Variants in FBRSL1 observed in about 807,000 individuals in gnomAD.
FBRSL1 encodes the protein fibrosin like 1.
In FBRSL1, 51 loss-of-function variants were observed where a neutral mutation model predicts 89.6. The ratio of observed to expected loss-of-function variants is 0.57; its 90% confidence interval spans 0.45 to 0.72. FBRSL1 has a LOEUF of 0.72. Ranked by LOEUF, FBRSL1 falls within the 30% of genes least tolerant of loss-of-function variation. FBRSL1 has a pLI of 0.00. For missense variants in FBRSL1, 1,618 were observed against 1,451.8 expected (o/e 1.11, Z -1.86); for synonymous variants, 779 against 681.1 (o/e 1.14, Z -2.24).
rs575048497 is a variant in FBRSL1 at position 132,578,903 on chromosome 12, G to C, written c.1834+1972G>C. Reference sequence around the variant, plus strand: ...GGCCTCTGGGCCATGGAGCATCCCAGTAGTCTGGCTTTCTCAGAAAGCAGA... The same window carrying C: ...GGCCTCTGGGCCATGGAGCATCCCACTAGTCTGGCTTTCTCAGAAAGCAGA... On this transcript the variant is annotated intron_variant, in intron 15 of 18. Transcript: ENST00000680143. Among the ~76,000 whole-genome samples, 240 of 152,392 alleles carry C rather than the reference G, an allele frequency of 1.6e-3. 3 individuals carry two copies. The South Asian group carries it at 0.017, about 11-fold the overall frequency.
chr12:132,513,927 G>A (rs181649476), intron 2 of FBRSL1, among the ~76,000 whole-genome samples: 4 of 152,228 alleles, frequency 2.6e-5, no homozygotes, highest in East Asian at 1.9e-4. Context: ...CAGCATCCAC[G>A]CCTGGTGTGT....
intron 2 of FBRSL1, chr12:132,509,761 C>G: frequency 8.1e-7 from 1 of 1,231,364 alleles, no homozygotes; most frequent in Non-Finnish European, 1.0e-6. Flanking sequence ...TGTGGCCAGC[C>G]CGGTAGGGCA....
Position 132,511,108 on chromosome 12 carries a change from C to T in FBRSL1, c.489+2758C>T, listed in dbSNP as rs1001681920. The stretch of plus-strand genomic sequence containing the variant: ...CTGGTAGTCAGGAGGTGCTGGTGTC[C>T]ACCTCCAGGGCCCCCAAGCTACAGG... On this transcript the variant is annotated intron_variant, in intron 2 of 18. Coordinates refer to ENST00000680143, the MANE Select transcript of FBRSL1 (RefSeq NM_001367871.1). The T allele has an allele frequency of 3.0e-6, 3 of 985,394 alleles. No individual in the cohort carries two copies. In the African/African-American group the frequency reaches 5.2e-5, roughly 17 times the overall value. The allele number at this position is 985,394 out of a possible 1,614,324, so 61.0% of individuals were successfully genotyped here.
intron 2 of FBRSL1, among the ~76,000 whole-genome samples, chr12:132,521,773 C>T (rs1201531995): frequency 6.6e-6 from 1 of 152,214 alleles, no homozygotes; most frequent in African/African-American, 2.4e-5. Context: ...GTATGTAGTG[C>T]GTGCATTTGC....
chr12:132,581,355 G>C, intron 15 of FBRSL1, 84 bp from the exon 16 acceptor site: 1 of 1,548,138 alleles, frequency 6.5e-7, no homozygotes, highest in Non-Finnish European at 8.7e-7. Flanking sequence ...AGAGGAAATT[G>C]GGGTGCTCCC....
At chr12:132,504,489 TGGCGCCACTGCAGG>T (rs1202969481) in intron 1 of FBRSL1, among the ~76,000 whole-genome samples, 2 of 152,070 alleles carry the variant, frequency 1.3e-5, no homozygotes, top group Admixed American at 6.5e-5. Context: ...CTGGGGGTGC[TGGCGCCACTGCAGG>T]GCAGTGGCGT....
At chr12:132,527,713 AGGGTTGT>A (rs1400156267) in intron 3 of FBRSL1, among the ~76,000 whole-genome samples, 23 of 75,098 alleles carry the variant, frequency 3.1e-4, no homozygotes, top group South Asian at 1.3e-3. Flanking sequence ...GCTGTGGGGC[AGGGTTGT>A]GGGCTGCGGG....
intron 5 of FBRSL1, among the ~76,000 whole-genome samples, chr12:132,558,037 G>T (rs1373021941): frequency 1.3e-5 from 1 of 79,578 alleles, no homozygotes; most frequent in Admixed American, 1.4e-4. Flanking sequence ...CCCTCCCCCC[G>T]CCCGTTCCCT....
intron 15 of FBRSL1, among the ~76,000 whole-genome samples, chr12:132,578,631 G>A (rs1472026245): frequency 5.9e-5 from 9 of 152,172 alleles, no homozygotes; most frequent in African/African-American, 1.9e-4. Context: ...CATGGGCACT[G>A]CGTTGCCCAG....
At chr12:132,560,206 G>A (rs1463248598) in intron 5 of FBRSL1, 1 of 152,014 alleles carries the variant, frequency 6.6e-6, no homozygotes, top group Admixed American at 6.6e-5. Context: ...CGGGACTAGG[G>A]GCGACTGCCT....
chr12:132,527,942 C>G lies in FBRSL1; in HGVS notation c.580-11C>G. On this transcript the variant is annotated splice_polypyrimidine_tract_variant and intron_variant, in intron 3 of 18. Coordinates refer to ENST00000680143, the MANE Select transcript of FBRSL1 (RefSeq NM_001367871.1). ...GCAGCCTCACTGACTGTCCCCTCTT[C>G]CTTCCTGCAGAGCTCTGCGCATGCG... The G allele has an allele frequency of 6.4e-7, 1 of 1,551,260 alleles. No individual in the cohort carries two copies.
intron 15 of FBRSL1, 30 bp downstream of exon 15, chr12:132,576,961 C>T (rs2040420582): frequency 6.5e-7 from 1 of 1,538,586 alleles, no homozygotes; most frequent in African/African-American, 1.4e-5. Flanking sequence ...AGGTGGGGGG[C>T]ACAGAAACCT....
intron 2 of FBRSL1, among the ~76,000 whole-genome samples, chr12:132,520,709 G>T (rs893110189): frequency 6.6e-6 from 1 of 152,202 alleles, no homozygotes. Flanking sequence ...GGACAGAGGG[G>T]CCCCAGAGTC....
rs556995283 is a variant in FBRSL1 at position 132,573,460 on chromosome 12, G to A, written c.1531-630G>A. ...TGGTTGAGGAATTCAGAGGAATGGA[G>A]AAGGGATGTATGTGGCCCACCTGCA... On this transcript the variant is annotated intron_variant, in intron 11 of 18. Transcript: ENST00000680143. 1.4e-4 allele frequency among the ~76,000 whole-genome samples: 21 copies of A among 152,338 alleles called. No homozygotes were observed. The East Asian group carries it at 3.7e-3, about 27-fold the overall frequency.
At chr12:132,564,858 T>A (rs1040964598) in intron 5 of FBRSL1, among the ~76,000 whole-genome samples, 4 of 151,718 alleles carry the variant, frequency 2.6e-5, no homozygotes, top group African/African-American at 4.9e-5. Context: ...CTCGATCTGC[T>A]GACCTCGTGA....
chr12:132,517,495 GACAA>G (rs1309977990), intron 2 of FBRSL1, among the ~76,000 whole-genome samples: 3 of 152,242 alleles, frequency 2.0e-5, no homozygotes, highest in Non-Finnish European at 2.9e-5. Flanking sequence ...GGGCTGCAGT[GACAA>G]ACAAGACAAG....
Position 132,490,850 on chromosome 12 carries a change from G to T in FBRSL1, c.280G>T (p.Glu94Ter). The T allele has an allele frequency of 7.1e-7, 1 of 1,411,916 alleles. No individual in the cohort carries two copies. The highest frequency in any genetic ancestry group is 2.7e-5 in the Admixed American group (1 of 36,614). 87.5% of individuals were successfully genotyped at this position (1,411,916 alleles called of 1,614,324 possible). The change falls in exon 1 of 19, where the codon GAG becomes TAG. Residue 94 changes from glutamate to a stop codon, truncating the protein, a stop_gained. Coordinates refer to ENST00000680143, the MANE Select transcript of FBRSL1 (RefSeq NM_001367871.1). LOFTEE classifies it high-confidence loss of function. Reference sequence around the variant, plus strand: ...CGCCATCGCCAGCTTCAGCACCCTGGAGGCCCTGGAGGTAGGTGGACGGGT... The same window carrying T: ...CGCCATCGCCAGCTTCAGCACCCTGTAGGCCCTGGAGGTAGGTGGACGGGT... ...GFAIASFSTL[E>*]ALEKDMALKP...
chr12:132,573,709 C>G (rs1166671508), intron 11 of FBRSL1, among the ~76,000 whole-genome samples: 1 of 152,150 alleles, frequency 6.6e-6, no homozygotes, highest in African/African-American at 2.4e-5. Context: ...GTGGGACCCC[C>G]CTTTCCCTGG....
intron 5 of FBRSL1, among the ~76,000 whole-genome samples, chr12:132,564,594 C>A (rs1454073297): frequency 8.0e-6 from 1 of 124,520 alleles, no homozygotes; most frequent in African/African-American, 3.5e-5. Flanking sequence ...CTCCCGGGTT[C>A]ACGCCATTCT....
Sources: allele counts gnomAD v4.1 joint callset (sites outside exome capture counted in the v4.1 genomes callset), GRCh38; gene constraint gnomAD v4.1.1; transcripts MANE v1.5; gene names NCBI Gene and HGNC (gene_info 2026-07-23, HGNC 2026-07-21).